CA10: variants seen among roughly 807,000 people sequenced by gnomAD.
The protein encoded by CA10 is carbonic anhydrase-related protein 10.
In CA10, 14 loss-of-function variants were observed where a neutral mutation model predicts 44.2. The ratio of observed to expected loss-of-function variants is 0.32; its 90% CI spans 0.21 to 0.50. CA10 has a LOEUF of 0.50. Among genes scored for constraint, CA10 ranks in the 20% least tolerant of loss-of-function variants. The pLI is 0.99. For missense variants in CA10, 350 were observed against 409.7 expected (o/e 0.85, Z 1.26); for synonymous variants, 159 against 141.6 (o/e 1.12, Z -0.87).
At chr17:52,059,225 C>T (rs892518308) in intron 2 of CA10, among the ~76,000 whole-genome samples, 1 of 152,082 alleles carries the variant, frequency 6.6e-6, no homozygotes, top group Non-Finnish European at 1.5e-5. Flanking sequence ...TATTCTATTC[C>T]TTAATGCTGC....
intron 2 of CA10, among the ~76,000 whole-genome samples, chr17:52,039,450 G>A (rs1230248046): frequency 2.6e-5 from 4 of 152,002 alleles, no homozygotes; most frequent in Non-Finnish European, 5.9e-5. Context: ...AAAGTGATCT[G>A]AAACCAGCAG....
At chr17:51,824,471 C>T (rs893985497) in intron 3 of CA10, among the ~76,000 whole-genome samples, 3 of 152,110 alleles carry the variant, frequency 2.0e-5, no homozygotes, top group Non-Finnish European at 2.9e-5. Flanking sequence ...TAACTTGCAA[C>T]GTGCTTAAAA....
At chr17:52,060,816 T>C (rs926985597) in intron 2 of CA10, among the ~76,000 whole-genome samples, 1 of 152,194 alleles carries the variant, frequency 6.6e-6, no homozygotes, top group Non-Finnish European at 1.5e-5. Flanking sequence ...GGAAAGAGCA[T>C]TGGATTAGAA....
intron 3 of CA10, among the ~76,000 whole-genome samples, chr17:51,767,912 G>A (rs975882916): frequency 6.6e-6 from 1 of 152,126 alleles, no homozygotes; most frequent in Non-Finnish European, 1.5e-5. Flanking sequence ...AGCTCAGGCA[G>A]TAATGTGAGC....
intron 6 of CA10, among the ~76,000 whole-genome samples, chr17:51,639,225 T>G (rs1009883423): frequency 1.3e-5 from 2 of 152,186 alleles, no homozygotes; most frequent in Non-Finnish European, 2.9e-5. Flanking sequence ...GTCAATGTGA[T>G]TTGTTTAACC....
intron 4 of CA10, among the ~76,000 whole-genome samples, chr17:51,699,444 C>T (rs1330562095): frequency 8.5e-5 from 13 of 152,094 alleles, no homozygotes; most frequent in Non-Finnish European, 5.9e-5. Flanking sequence ...ACCTCCTCCC[C>T]TTCTTGCAAC....
At chr17:51,905,551 T>TA (rs1555610489) in intron 3 of CA10, among the ~76,000 whole-genome samples, 55 of 136,480 alleles carry the variant, frequency 4.0e-4, no homozygotes, top group South Asian at 4.6e-4. Flanking sequence ...TTTTTTTTTT[T>TA]ACAACTCTAC....
intron 6 of CA10, among the ~76,000 whole-genome samples, chr17:51,644,173 C>G (rs112834962): frequency 2.3e-5 from 2 of 85,326 alleles, no homozygotes; most frequent in Non-Finnish European, 5.5e-5. Flanking sequence ...CAGTTCCCCC[C>G]CTTTTTTTTT....
At chr17:51,659,899 A>T (rs1252038257) in intron 4 of CA10, among the ~76,000 whole-genome samples, 3 of 152,192 alleles carry the variant, frequency 2.0e-5, no homozygotes, top group African/African-American at 7.2e-5. Context: ...TTGGGTAAAC[A>T]TCTCAAGGGC....
At chr17:52,132,671 G>A (rs143258067) in intron 1 of CA10, among the ~76,000 whole-genome samples, 72 of 152,290 alleles carry the variant, frequency 4.7e-4, no homozygotes, top group African/African-American at 1.5e-3. Flanking sequence ...AGCACACTTG[G>A]TTTTAGTGAA....
chr17:51,967,722 A>C (rs1208727538), intron 2 of CA10, among the ~76,000 whole-genome samples: 1 of 151,738 alleles, frequency 6.6e-6, no homozygotes, highest in Non-Finnish European at 1.5e-5. Flanking sequence ...AAAGAGTTGA[A>C]AAACTGTCAG....
At chr17:51,826,373 C>A (rs915972314) in intron 3 of CA10, among the ~76,000 whole-genome samples, 3 of 152,164 alleles carry the variant, frequency 2.0e-5, no homozygotes, top group African/African-American at 4.8e-5. Flanking sequence ...CCAGCTCCAA[C>A]GTGAGGAAAG....
At chr17:52,038,656 T>C (rs1986683897) in intron 2 of CA10, among the ~76,000 whole-genome samples, 1 of 152,154 alleles carries the variant, frequency 6.6e-6, no homozygotes, top group African/African-American at 2.4e-5. Context: ...ACTTGCCTCA[T>C]ACAATTGTGA....
chr17:52,090,454 T>A (rs945086218), intron 1 of CA10, among the ~76,000 whole-genome samples: 2 of 152,122 alleles, frequency 1.3e-5, no homozygotes, highest in Non-Finnish European at 2.9e-5. Flanking sequence ...AAATATTCCC[T>A]AGCATATTTT....
intron 3 of CA10, among the ~76,000 whole-genome samples, chr17:51,893,925 T>A (rs550007023): frequency 6.6e-6 from 1 of 152,256 alleles, no homozygotes; most frequent in South Asian, 2.1e-4. Flanking sequence ...AACACATATA[T>A]GGCAATAGAA....
At chr17:52,112,931 G>A (rs1397037476) in intron 1 of CA10, among the ~76,000 whole-genome samples, 2 of 152,142 alleles carry the variant, frequency 1.3e-5, no homozygotes, top group African/African-American at 4.8e-5. Context: ...CAGAAGGGAA[G>A]CCATTTCTTT....
chr17:51,799,727 A>G (rs1329279360), intron 3 of CA10, among the ~76,000 whole-genome samples: 3 of 152,246 alleles, frequency 2.0e-5, no homozygotes, highest in Non-Finnish European at 2.9e-5. Flanking sequence ...TTATCCAAAG[A>G]AGATATACAA....
intron 3 of CA10, among the ~76,000 whole-genome samples, chr17:51,821,076 C>T (rs1374280688): frequency 5.2e-5 from 6 of 114,336 alleles, no homozygotes; most frequent in African/African-American, 1.5e-4. Context: ...TCCCTTCCTT[C>T]CTCCCTCCCT....
intron 2 of CA10, among the ~76,000 whole-genome samples, chr17:52,000,346 T>C (rs1985380440): frequency 6.6e-6 from 1 of 152,090 alleles, no homozygotes; most frequent in African/African-American, 2.4e-5. Flanking sequence ...GTTTAACACC[T>C]TGTTTCTTTC....
Sources: gnomAD v4.1 joint callset for allele counts (sites outside exome capture counted in the v4.1 genomes callset) on GRCh38, gnomAD v4.1.1 for gene constraint, MANE v1.5 for transcripts, NCBI Gene and HGNC (gene_info 2026-07-23, HGNC 2026-07-21) for gene names.